The following SORCS1 variants were observed in gnomAD, a reference collection of about 807,000 sequenced individuals.
SORCS1 encodes the protein VPS10 domain-containing receptor SorCS1.
Under a neutral mutation model 146.1 loss-of-function variants are expected in SORCS1, and 60 were observed. That is an observed-to-expected ratio of 0.41 (90% CI 0.33 to 0.51). The LOEUF is 0.51. Ranked by LOEUF, SORCS1 falls within the 20% of genes least tolerant of loss-of-function variation. The pLI is 0.21. For synonymous variants in SORCS1, 637 were observed against 584.0 expected (o/e 1.09, Z -1.31); for missense variants, 1,352 against 1,487.6 (o/e 0.91, Z 1.50).
chr10:107,006,418 G>A (rs1325235143), intron 1 of SORCS1, among the ~76,000 whole-genome samples: 1 of 152,182 alleles, frequency 6.6e-6, no homozygotes, highest in African/African-American at 2.4e-5. Flanking sequence ...TTTAATATAA[G>A]TAATGAACAG....
chr10:106,832,701 G>A (rs547776101), intron 2 of SORCS1, among the ~76,000 whole-genome samples: 1 of 152,220 alleles, frequency 6.6e-6, no homozygotes, highest in East Asian at 1.9e-4. Context: ...GGGATGGTGG[G>A]AGAAGAATGA....
intron 1 of SORCS1, among the ~76,000 whole-genome samples, chr10:107,008,907 G>T (rs902211067): frequency 4.6e-5 from 7 of 152,356 alleles, no homozygotes; most frequent in Middle Eastern, 3.4e-3. Flanking sequence ...TCAGGCAGGG[G>T]AATCACTTGA....
chr10:106,833,367 T>C lies in SORCS1; in HGVS notation c.627-3694A>G, dbSNP rs527844229. 8.5e-5 allele frequency among the ~76,000 whole-genome samples: 13 copies of C among 152,290 alleles called. No homozygotes were observed. The South Asian group carries it at 2.3e-3, about 27-fold the overall frequency. ...TTTTCACACATCCAAGTGGTACAGA[T>C]CAGCGGTTGTCCAAGCGTGTCCCAA... On this transcript the variant is annotated intron_variant, in intron 2 of 25. Transcript: ENST00000263054.
intron 3 of SORCS1, among the ~76,000 whole-genome samples, chr10:106,821,012 T>C (rs1947994565): frequency 6.6e-6 from 1 of 152,136 alleles, no homozygotes; most frequent in African/African-American, 2.4e-5. Flanking sequence ...GAGACAAAAA[T>C]AAATAAATAA....
chr10:107,135,374 T>C (rs1306537067), intron 1 of SORCS1, among the ~76,000 whole-genome samples: 1 of 152,228 alleles, frequency 6.6e-6, no homozygotes, highest in African/African-American at 2.4e-5. Context: ...AAATGGCTGA[T>C]ATCCTCTTCT....
chr10:106,889,018 C>CT (rs35533170), intron 2 of SORCS1, among the ~76,000 whole-genome samples: 1 of 152,036 alleles, frequency 6.6e-6, no homozygotes, highest in Non-Finnish European at 1.5e-5. Flanking sequence ...CCAATAAACG[C>CT]TTTTTTTCAA....
At chr10:106,971,834 C>T (rs1564872431) in intron 1 of SORCS1, among the ~76,000 whole-genome samples, 1 of 152,110 alleles carries the variant, frequency 6.6e-6, no homozygotes, top group Non-Finnish European at 1.5e-5. Flanking sequence ...TAACAGGGTG[C>T]AGATTTTGAA....
rs199901136 is a variant in SORCS1, at chr10:106,629,378, T to C, written c.2486A>G (p.Gln829Arg). Residue 829 changes from glutamine (Q) to arginine (R), a missense_variant, in exon 19 of 26, where the codon CAG becomes CGG. Coordinates refer to ENST00000263054, the MANE Select transcript of SORCS1 (RefSeq NM_052918.5). ...AAAGTCCACTTGGATGAGTGTCCGC[T>C]GAACATCACCCTGAAAAACAACCCA... ...LMVQLEEGDV[Q>R]RTLIQVDFGD... The C allele has an allele frequency of 8.1e-6, 13 of 1,614,000 alleles. No homozygotes were observed. In the East Asian group the frequency reaches 1.8e-4, roughly 22 times the overall value.
chr10:106,725,882 G>A (rs1856120225), intron 6 of SORCS1, among the ~76,000 whole-genome samples: 1 of 150,726 alleles, frequency 6.6e-6, no homozygotes, highest in Admixed American at 6.6e-5. Flanking sequence ...AGTGAGCCGA[G>A]ATGGTGCCAG....
intron 1 of SORCS1, among the ~76,000 whole-genome samples, chr10:107,066,108 T>G (rs112615681): frequency 1.1e-3 from 162 of 152,328 alleles, no homozygotes; most frequent in Middle Eastern, 3.4e-3. Context: ...CTAATATTTT[T>G]ATGACTTTTT....
At chr10:106,777,517 A>G (rs558128873) in intron 3 of SORCS1, among the ~76,000 whole-genome samples, 35 of 152,324 alleles carry the variant, frequency 2.3e-4, no homozygotes, top group African/African-American at 8.2e-4. Context: ...CACAACTTCT[A>G]AGTCTACATG....
intron 2 of SORCS1, among the ~76,000 whole-genome samples, chr10:106,854,522 G>C (rs561741746): frequency 6.9e-6 from 1 of 144,632 alleles, no homozygotes. Context: ...TTTATTCTTT[G>C]TTCCTATTAT....
upstream of SORCS1, among the ~76,000 whole-genome samples, chr10:107,167,827 G>GAGAGACAGAAGCAGAT (rs1304381178): frequency 4.6e-5 from 7 of 151,834 alleles, no homozygotes; most frequent in African/African-American, 1.7e-4. Flanking sequence ...TGTATAAAGA[G>GAGAGACAGAAGCAGAT]AGAGACAGAA....
intron 2 of SORCS1, among the ~76,000 whole-genome samples, chr10:106,843,227 T>C (rs953414581): frequency 7.9e-5 from 12 of 152,142 alleles, no homozygotes; most frequent in African/African-American, 2.9e-4. Flanking sequence ...AAAGTTTTTA[T>C]GCTTTGACTC....
At chr10:106,944,744 G>A (rs1954222844) in intron 2 of SORCS1, among the ~76,000 whole-genome samples, 1 of 151,844 alleles carries the variant, frequency 6.6e-6, no homozygotes, top group South Asian at 2.1e-4. Flanking sequence ...TCTGCCCTCA[G>A]CGAGTTTATA....
intron 2 of SORCS1, among the ~76,000 whole-genome samples, chr10:106,856,612 G>C (rs944729508): frequency 6.6e-6 from 1 of 152,174 alleles, no homozygotes; most frequent in Non-Finnish European, 1.5e-5. Flanking sequence ...CCCTCTCCCT[G>C]CTGGAAGTAC....
chr10:107,094,048 C>T (rs1265725772), intron 1 of SORCS1, among the ~76,000 whole-genome samples: 1 of 152,164 alleles, frequency 6.6e-6, no homozygotes, highest in African/African-American at 2.4e-5. Flanking sequence ...CCCACTTCTC[C>T]CAGACTTTCT....
At chr10:106,706,685 C>G in intron 7 of SORCS1, 51 bp from the exon 8 acceptor site, 5 of 1,552,480 alleles carry the variant, frequency 3.2e-6, no homozygotes, top group Non-Finnish European at 3.6e-6. Context: ...GTAACAGGCA[C>G]AGGTCACAGA....
chr10:106,913,755 G>T (rs947748106), intron 2 of SORCS1, among the ~76,000 whole-genome samples: 2 of 152,240 alleles, frequency 1.3e-5, no homozygotes, highest in East Asian at 3.8e-4. Flanking sequence ...TGTAAATGCT[G>T]AAGGCAGGGT....
Sources: allele counts gnomAD v4.1 joint callset (sites outside exome capture counted in the v4.1 genomes callset), GRCh38; gene constraint gnomAD v4.1.1; transcripts MANE v1.5; gene names NCBI Gene and HGNC (gene_info 2026-07-23, HGNC 2026-07-21).